CYFIP2: variants seen among roughly 807,000 people sequenced by gnomAD.
CYFIP2 encodes cytoplasmic FMR1-interacting protein 2.
Under a neutral mutation model 158.7 loss-of-function variants are expected in CYFIP2, and 29 were observed. The observed-to-expected ratio is 0.18, with a 90% confidence interval of 0.14 to 0.25. The LOEUF is 0.25. Among genes scored for constraint, CYFIP2 ranks in the 10% least tolerant of loss-of-function variants. CYFIP2 has a pLI of 1.00. For missense variants in CYFIP2, 852 were observed against 1,639.5 expected (o/e 0.52, Z 8.29); for synonymous variants, 585 against 617.6 (o/e 0.95, Z 0.78).
intron 9 of CYFIP2, among the ~76,000 whole-genome samples, chr5:157,308,789 G>T (rs1759456121): frequency 6.6e-6 from 1 of 152,162 alleles, no homozygotes; most frequent in East Asian, 1.9e-4. Context: ...CTCATTTTGG[G>T]AGACCCTTGC....
intron 23 of CYFIP2, chr5:157,341,789 A>G (rs1018243503): frequency 2.6e-5 from 4 of 155,026 alleles, no homozygotes; most frequent in Admixed American, 1.3e-4. Context: ...TTTGTGCTCT[A>G]TAGATATAAG....
intron 1 of CYFIP2, among the ~76,000 whole-genome samples, chr5:157,274,818 C>T (rs1756413644): frequency 6.6e-6 from 1 of 152,184 alleles, no homozygotes; most frequent in African/African-American, 2.4e-5. Flanking sequence ...GGTTATTAAT[C>T]TTTCTGTGTG....
chr5:157,326,867 T>G (rs61088678), intron 18 of CYFIP2, among the ~76,000 whole-genome samples: 17,541 of 152,268 alleles, frequency 0.12, 1,529 homozygotes, highest in East Asian at 0.26. Context: ...TGGGGTTTTG[T>G]GTTCTGCATA....
rs76847827 is a variant in CYFIP2, at chr5:157,298,432, A to G, written c.387+1658A>G. ...CTGCAACTTCAGCCTCCTAGGTTCA[A>G]GTGATTCTCCTGCCTCAGCCTCCCT... On this transcript the variant is annotated intron_variant, in intron 5 of 30. Coordinates refer to ENST00000620254, the MANE Select transcript of CYFIP2 (RefSeq NM_001037333.3). Among the ~76,000 whole-genome samples the G allele has an allele frequency of 3.9e-3, 599 of 151,776 alleles. 2 individuals are homozygous for G. The highest frequency in any genetic ancestry group is 0.014 in the African/African-American group (567 of 41,374).
At chr5:157,363,030 C>T (rs1763980608) in intron 26 of CYFIP2, 1 of 152,338 alleles carries the variant, frequency 6.6e-6, no homozygotes, top group Non-Finnish European at 1.5e-5. Context: ...GAACAAAGCA[C>T]ACCCCCCGTA....
intron 3 of CYFIP2, among the ~76,000 whole-genome samples, chr5:157,294,426 G>A (rs146293278): frequency 1.4e-3 from 211 of 152,276 alleles, no homozygotes; most frequent in Non-Finnish European, 2.5e-3. Flanking sequence ...CCTATCTGCT[G>A]TACATACTGT....
At chr5:157,359,251 C>A in intron 24 of CYFIP2, 103 bp downstream of exon 24, 1 of 1,341,302 alleles carries the variant, frequency 7.5e-7, no homozygotes, top group Non-Finnish European at 1.0e-6. Context: ...AAATCCCAGG[C>A]ACTGCAGCTC....
At chr5:157,291,274 A>C (rs1757797833) in intron 3 of CYFIP2, among the ~76,000 whole-genome samples, 3 of 152,354 alleles carry the variant, frequency 2.0e-5, no homozygotes, top group Admixed American at 6.5e-5. Flanking sequence ...CCAAGTAAGG[A>C]AACTAAGACA....
rs758598689 is a variant in CYFIP2 at position 157,341,245 on chromosome 5, G to A, written c.2673+88G>A. 6.9e-6 allele frequency: 9 copies of A among 1,307,572 alleles called. No individual in the cohort carries two copies. The Admixed American group carries it at 9.0e-5, about 13-fold the overall frequency. 81.0% of individuals were successfully genotyped at this position (1,307,572 alleles called of 1,614,324 possible). On this transcript the variant is annotated intron_variant, in intron 23 of 30. Transcript: ENST00000620254. ...GTCTCTTAATTAGAAGAGTAAGAAGGTGCAGAGATAAAGGCAGCAATGAGG... is the reference window on the plus strand; with the variant it reads ...GTCTCTTAATTAGAAGAGTAAGAAGATGCAGAGATAAAGGCAGCAATGAGG...
intron 7 of CYFIP2, among the ~76,000 whole-genome samples, chr5:157,303,582 C>A (rs554863523): frequency 6.6e-6 from 1 of 152,266 alleles, no homozygotes; most frequent in Admixed American, 6.5e-5. Context: ...ATCACGGAGG[C>A]CCTTGGGTTG....
At chr5:157,380,325 G>C (rs2113498100) in intron 26 of CYFIP2, among the ~76,000 whole-genome samples, 1 of 152,350 alleles carries the variant, frequency 6.6e-6, no homozygotes, top group South Asian at 2.1e-4. Context: ...AGGCAAGAAA[G>C]GGGTCTTTTC....
chr5:157,293,109 G>T (rs891524409), intron 3 of CYFIP2, among the ~76,000 whole-genome samples: 5 of 152,058 alleles, frequency 3.3e-5, no homozygotes, highest in Admixed American at 1.3e-4. Context: ...AGGCTGGAAT[G>T]CAATGGCGCA....
intron 28 of CYFIP2, among the ~76,000 whole-genome samples, chr5:157,385,437 G>A (rs1766580890): frequency 6.6e-6 from 1 of 152,164 alleles, no homozygotes; most frequent in African/African-American, 2.4e-5. Context: ...CAGGGTACTC[G>A]TAAGATATCT....
intron 26 of CYFIP2, among the ~76,000 whole-genome samples, chr5:157,379,668 CAAAAAA>C (rs70984468): frequency 2.7e-4 from 20 of 73,634 alleles, no homozygotes; most frequent in Admixed American, 1.9e-3. Flanking sequence ...GACCCTGTCT[CAAAAAA>C]AAAAAAAAAA....
Position 157,377,881 on chromosome 5 carries a change from T to TTAC in CYFIP2, c.3040-4709_3040-4708insTAC, listed in dbSNP as rs1765643752. Among the ~76,000 whole-genome samples the TTAC allele has an allele frequency of 7.2e-5, 11 of 152,356 alleles. 1 individual carries two copies. The highest frequency in any genetic ancestry group is 6.5e-4 in the Admixed American group (10 of 15,302). On this transcript the variant is annotated intron_variant, in intron 26 of 30. Transcript: ENST00000620254. ...AATCAATGTTTACATGAGATGTGGG[T>TTAC]CACTGCCCTGGTCCTCCATCAGCAG...
At chr5:157,391,277 C>T (rs1263115523) in intron 30 of CYFIP2, among the ~76,000 whole-genome samples, 1 of 152,076 alleles carries the variant, frequency 6.6e-6, no homozygotes, top group Non-Finnish European at 1.5e-5. Context: ...GTAAGAGCCA[C>T]CTCACAAAGG....
intron 24 of CYFIP2, 95 bp downstream of exon 24, chr5:157,359,243 A>G: frequency 6.9e-7 from 1 of 1,456,358 alleles, no homozygotes; most frequent in Non-Finnish European, 9.5e-7. Context: ...GTAAAAACAA[A>G]TCCCAGGCAC....
At chr5:157,315,218 C>A in intron 13 of CYFIP2, 124 bp downstream of exon 13, 1 of 1,280,264 alleles carries the variant, frequency 7.8e-7, no homozygotes, top group Non-Finnish European at 1.0e-6. Flanking sequence ...CCTGTCCTAC[C>A]ATCTAAATTA....
At chr5:157,301,762 C>CT (rs947452231) in intron 6 of CYFIP2, among the ~76,000 whole-genome samples, 70 of 152,166 alleles carry the variant, frequency 4.6e-4, no homozygotes, top group African/African-American at 1.4e-3. Context: ...GACCCCGTCT[C>CT]TTTTTTTAAA....
Sources: allele counts gnomAD v4.1 joint callset (sites outside exome capture counted in the v4.1 genomes callset), GRCh38; gene constraint gnomAD v4.1.1; transcripts MANE v1.5; gene names NCBI Gene and HGNC (gene_info 2026-07-23, HGNC 2026-07-21).